PPM1L: variants seen among roughly 807,000 people sequenced by gnomAD.
PPM1L encodes protein phosphatase 1L.
A neutral mutation model predicts 31.4 loss-of-function variants in PPM1L; 13 were observed. The ratio of observed to expected loss-of-function variants is 0.41; its 90% CI spans 0.27 to 0.66. The LOEUF is 0.66. PPM1L is among the 30% of genes least tolerant of loss of function. The pLI, the probability that PPM1L is intolerant of heterozygous loss-of-function variation, is 0.29. For synonymous variants in PPM1L, 184 were observed against 175.4 expected (o/e 1.05, Z -0.39); for missense variants, 326 against 453.7 (o/e 0.72, Z 2.56).
chr3:160,889,827 G>A (rs1049804338), intron 1 of PPM1L, among the ~76,000 whole-genome samples: 5 of 152,178 alleles, frequency 3.3e-5, no homozygotes, highest in Non-Finnish European at 5.9e-5. Context: ...CTTCATCCCT[G>A]GGATGCAAGG....
intron 2 of PPM1L, among the ~76,000 whole-genome samples, chr3:160,980,646 T>G (rs1716761683): frequency 6.9e-6 from 1 of 144,286 alleles, no homozygotes; most frequent in South Asian, 2.2e-4. Context: ...CCAGCCTGGG[T>G]GACAGAGTGA....
chr3:160,944,060 A>G (rs1715245808), intron 1 of PPM1L, among the ~76,000 whole-genome samples: 2 of 152,046 alleles, frequency 1.3e-5, no homozygotes, highest in Non-Finnish European at 1.5e-5. Context: ...ATCCTTGTTT[A>G]TGGACTATTT....
intron 1 of PPM1L, among the ~76,000 whole-genome samples, chr3:160,777,939 C>T (rs1711607994): frequency 6.6e-6 from 1 of 152,114 alleles, no homozygotes; most frequent in Admixed American, 6.5e-5. Context: ...TGAGAAACTG[C>T]CATACTGTTT....
chr3:160,991,620 TAC>T (rs1460588705), intron 2 of PPM1L, among the ~76,000 whole-genome samples: 1 of 152,174 alleles, frequency 6.6e-6, no homozygotes, highest in Non-Finnish European at 1.5e-5. Context: ...ATAAGTCTAT[TAC>T]AGTCTCCCAT....
At chr3:160,807,961 G>A (rs1228743177) in intron 1 of PPM1L, among the ~76,000 whole-genome samples, 1 of 152,140 alleles carries the variant, frequency 6.6e-6, no homozygotes, top group Non-Finnish European at 1.5e-5. Context: ...TATCAATCAT[G>A]TGATCTGTTT....
rs1400240352 is a variant in PPM1L at position 161,077,989 on chromosome 3, T to C, written c.*8832T>C. 6.6e-6 allele frequency: 1 copy of C among 152,208 alleles called. No individual in the cohort carries two copies. Among genetic ancestry groups the C allele is most frequent in the Non-Finnish European group, 1.5e-5 (1 of 68,030 alleles). 9.4% of individuals were successfully genotyped at this position (152,208 alleles called of 1,614,324 possible). A position where few individuals can be genotyped will look rare whatever the true frequency, so the allele number is the denominator to read the frequency against. ...ATTGCCAAATTGCATTAGAATCCTA[T>C]TGAATTAGAATAATTCATATACTTC... On this transcript the variant is annotated 3_prime_UTR_variant, in exon 4 of 4. Transcript: ENST00000498165.
chr3:160,808,480 C>T (rs550197817), intron 1 of PPM1L, among the ~76,000 whole-genome samples: 2 of 151,476 alleles, frequency 1.3e-5, no homozygotes, highest in South Asian at 2.1e-4. Flanking sequence ...ATGGTAGAGT[C>T]CTGATAGTGG....
chr3:160,862,014 T>G (rs1382084601), intron 1 of PPM1L, among the ~76,000 whole-genome samples: 2 of 152,170 alleles, frequency 1.3e-5, no homozygotes, highest in Non-Finnish European at 2.9e-5. Flanking sequence ...GACTCTTACC[T>G]TTATCACATC....
At chr3:160,806,250 T>C (rs1474800801) in intron 1 of PPM1L, among the ~76,000 whole-genome samples, 1 of 152,124 alleles carries the variant, frequency 6.6e-6, no homozygotes, top group Non-Finnish European at 1.5e-5. Flanking sequence ...GAAATGCCTT[T>C]CCCCACTTCC....
intron 1 of PPM1L, among the ~76,000 whole-genome samples, chr3:160,883,542 G>A (rs1027209191): frequency 1.3e-5 from 2 of 152,000 alleles, no homozygotes; most frequent in African/African-American, 2.4e-5. Context: ...TCTACAAACC[G>A]AAGACAGAGT....
intron 1 of PPM1L, among the ~76,000 whole-genome samples, chr3:160,920,615 T>TCTCTCTCTCACA (rs1389629070): frequency 3.5e-4 from 10 of 28,660 alleles, no homozygotes; most frequent in Non-Finnish European, 6.9e-4. Flanking sequence ...TCTCTCTCTC[T>TCTCTCTCTCACA]CACACACACA....
chr3:160,761,202 T>G (rs1252725461), intron 1 of PPM1L, among the ~76,000 whole-genome samples: 2 of 152,330 alleles, frequency 1.3e-5, no homozygotes, highest in East Asian at 3.9e-4. Context: ...GCCTCTGAAT[T>G]TCAGATTAGT....
chr3:161,003,935 C>T (rs1343403627), intron 2 of PPM1L, among the ~76,000 whole-genome samples: 12 of 150,088 alleles, frequency 8.0e-5, no homozygotes, highest in Middle Eastern at 3.5e-3. Flanking sequence ...AAAGGGAATG[C>T]TTCCAGTTTT....
chr3:161,047,409 A>G (rs896866931), intron 2 of PPM1L, among the ~76,000 whole-genome samples: 1 of 152,202 alleles, frequency 6.6e-6, no homozygotes, highest in African/African-American at 2.4e-5. Flanking sequence ...AAGGAGAACT[A>G]CAAACCACTG....
At chr3:161,031,335 C>T (rs907938217) in intron 2 of PPM1L, among the ~76,000 whole-genome samples, 3 of 152,134 alleles carry the variant, frequency 2.0e-5, no homozygotes, top group African/African-American at 2.4e-5. Flanking sequence ...CAACTATGTA[C>T]CAGGATGCAT....
chr3:161,038,050 G>T (rs1718797057), intron 2 of PPM1L, among the ~76,000 whole-genome samples: 1 of 151,454 alleles, frequency 6.6e-6, no homozygotes. Context: ...CGGCTAAAAT[G>T]GTGAAACCCC....
chr3:160,937,157 A>G (rs1714998542), intron 1 of PPM1L, among the ~76,000 whole-genome samples: 1 of 152,240 alleles, frequency 6.6e-6, no homozygotes, highest in Non-Finnish European at 1.5e-5. Context: ...CTCAGTATTT[A>G]TATTTACATA....
At chr3:160,875,492 T>C (rs1712475187) in intron 1 of PPM1L, among the ~76,000 whole-genome samples, 1 of 152,240 alleles carries the variant, frequency 6.6e-6, no homozygotes, top group Non-Finnish European at 1.5e-5. Flanking sequence ...ATTAGGATCC[T>C]AACACATCTT....
chr3:161,064,997 C>T (rs1719680942), intron 2 of PPM1L, among the ~76,000 whole-genome samples: 1 of 151,880 alleles, frequency 6.6e-6, no homozygotes, highest in Non-Finnish European at 1.5e-5. Context: ...AGGAGCCCAC[C>T]GCACACCCCC....
Sources: allele counts gnomAD v4.1 joint callset (sites outside exome capture counted in the v4.1 genomes callset), GRCh38; gene constraint gnomAD v4.1.1; transcripts MANE v1.5; gene names NCBI Gene and HGNC (gene_info 2026-07-23, HGNC 2026-07-21).